The following GRIN3A variants were observed in gnomAD, a reference collection of about 807,000 sequenced individuals.
GRIN3A encodes glutamate ionotropic receptor NMDA type subunit 3A.
A neutral mutation model predicts 92.4 loss-of-function variants in GRIN3A; 47 were observed. The ratio of observed to expected loss-of-function variants is 0.51; its 90% confidence interval spans 0.40 to 0.65. The LOEUF is 0.65. Ranked by LOEUF, GRIN3A falls within the 30% of genes least tolerant of loss-of-function variation. The pLI is 0.00. For synonymous variants in GRIN3A, 527 were observed against 540.6 expected (o/e 0.97, Z 0.35); for missense variants, 1,324 against 1,393.1 (o/e 0.95, Z 0.79).
In GRIN3A at chr9:101,594,886, G is replaced by A. The variant is rs747818307; in HGVS notation, c.2767-15526C>T. On this transcript the variant is annotated intron_variant, in intron 6 of 8. Transcript: ENST00000361820. ...TAATTTCATCATTGTCAAAGTGGGA[G>A]CACATCTCCGCCGGGTAACTGGCCT... is the stretch of plus-strand genomic sequence containing the variant. 14 of 1,600,876 alleles carry A rather than the reference G, an allele frequency of 8.7e-6. No individual in the cohort carries two copies. In the South Asian group the frequency reaches 1.5e-4, roughly 18 times the overall value.
chr9:101,665,681 T>C (rs1217856480), intron 3 of GRIN3A, among the ~76,000 whole-genome samples: 1 of 151,784 alleles, frequency 6.6e-6, no homozygotes, highest in Non-Finnish European at 1.5e-5. Flanking sequence ...GAAAAACAAA[T>C]GTCCCAAAAG....
chr9:101,730,080 T>G (rs1830120536), intron 1 of GRIN3A, among the ~76,000 whole-genome samples: 1 of 152,112 alleles, frequency 6.6e-6, no homozygotes, highest in Non-Finnish European at 1.5e-5. Context: ...TTAACCTTGA[T>G]GTAACTGCTG....
At chr9:101,692,443 C>T (rs570774768) in intron 1 of GRIN3A, among the ~76,000 whole-genome samples, 1 of 152,106 alleles carries the variant, frequency 6.6e-6, no homozygotes, top group Non-Finnish European at 1.5e-5. Flanking sequence ...ACAGGATTGC[C>T]TGCAGGAAAG....
At chr9:101,632,741 A>C (rs1279829366) in intron 3 of GRIN3A, among the ~76,000 whole-genome samples, 2 of 152,170 alleles carry the variant, frequency 1.3e-5, no homozygotes, top group Admixed American at 6.5e-5. Flanking sequence ...GAAGCTATTG[A>C]TGCAACCCAG....
intron 6 of GRIN3A, among the ~76,000 whole-genome samples, chr9:101,604,894 G>A (rs1828258427): frequency 6.6e-6 from 1 of 152,178 alleles, no homozygotes; most frequent in African/African-American, 2.4e-5. Context: ...TTTCCAAGAA[G>A]TTAACAGAGG....
rs146692753 is a variant in GRIN3A, at chr9:101,662,450, G to A, written c.2352+7610C>T. On this transcript the variant is annotated intron_variant, in intron 3 of 8. Coordinates refer to ENST00000361820, the MANE Select transcript of GRIN3A (RefSeq NM_133445.3). ...CTCTGTAACTAGTTAATGGAGGTGG[G>A]AGTGCTATTTAACTTCATTTAAAAT... 9.1e-3 allele frequency among the ~76,000 whole-genome samples: 1,387 copies of A among 151,848 alleles called. 23 individuals carry two copies. The highest frequency in any genetic ancestry group is 0.032 in the African/African-American group (1,314 of 41,468).
At chr9:101,641,130 G>A (rs1008661733) in intron 3 of GRIN3A, among the ~76,000 whole-genome samples, 6 of 152,130 alleles carry the variant, frequency 3.9e-5, no homozygotes, top group African/African-American at 1.2e-4. Flanking sequence ...ATAAAAAGTT[G>A]AAACAACAGG....
chr9:101,677,184 A>G (rs546815765), intron 2 of GRIN3A, among the ~76,000 whole-genome samples: 42 of 151,958 alleles, frequency 2.8e-4, no homozygotes, highest in African/African-American at 9.2e-4. Context: ...GTATTTTTCC[A>G]TGTGTATATT....
chr9:101,698,104 C>T (rs1829705548), intron 1 of GRIN3A, among the ~76,000 whole-genome samples: 1 of 152,062 alleles, frequency 6.6e-6, no homozygotes, highest in African/African-American at 2.4e-5. Context: ...CTTATGAGGA[C>T]AGAAACATTA....
chr9:101,609,953 C>T (rs903939302), intron 6 of GRIN3A, among the ~76,000 whole-genome samples: 1 of 152,196 alleles, frequency 6.6e-6, no homozygotes, highest in Non-Finnish European at 1.5e-5. Context: ...CCTGCCTTGG[C>T]CTCCCAAAGC....
chr9:101,655,855 A>G (rs1017729342), intron 3 of GRIN3A, among the ~76,000 whole-genome samples: 1 of 152,000 alleles, frequency 6.6e-6, no homozygotes, highest in Non-Finnish European at 1.5e-5. Context: ...AAATGAAAAG[A>G]AAATAATGGG....
Position 101,686,723 on chromosome 9 carries a change from T to C in GRIN3A, c.1177A>G (p.Met393Val), listed in dbSNP as rs760932590. The change falls in exon 2 of 9, where the codon ATG (methionine) becomes GTG (valine). Residue 393 changes from methionine (M) to valine (V), a missense_variant. Physicochemically the swap from Met to Val is conservative, Grantham distance 21. Coordinates refer to ENST00000361820, the MANE Select transcript of GRIN3A (RefSeq NM_133445.3). The part of the protein sequence containing the change: ...SVFEHYVQDA[M>V]ELVARAVATA... ...GCTACAGCTCTTGCGACCAGCTCCA[T>C]AGCATCTTGTACGTAGTGCTCAAAG... 2 of 1,614,198 alleles carry C rather than the reference T, an allele frequency of 1.2e-6. No individual in the cohort carries two copies. Among genetic ancestry groups the C allele is most frequent in the East Asian group, 2.2e-5 (1 of 44,874 alleles).
intron 2 of GRIN3A, among the ~76,000 whole-genome samples, chr9:101,671,664 T>G (rs1245061341): frequency 6.6e-6 from 1 of 152,182 alleles, no homozygotes; most frequent in Non-Finnish European, 1.5e-5. Context: ...CAATGTTTCT[T>G]CTTGTGGAAT....
At chr9:101,577,044 G>T (rs1204068820) in intron 8 of GRIN3A, among the ~76,000 whole-genome samples, 1 of 152,164 alleles carries the variant, frequency 6.6e-6, no homozygotes, top group Non-Finnish European at 1.5e-5. Flanking sequence ...TAGTCACCAT[G>T]AAATAGGGAA....
intron 6 of GRIN3A, among the ~76,000 whole-genome samples, chr9:101,602,640 C>T (rs1370747608): frequency 1.3e-5 from 2 of 152,204 alleles, no homozygotes; most frequent in East Asian, 3.8e-4. Context: ...GAACTCTTAA[C>T]AGTATGTGGT....
At chr9:101,640,395 A>C (rs1828840451) in intron 3 of GRIN3A, among the ~76,000 whole-genome samples, 1 of 152,166 alleles carries the variant, frequency 6.6e-6, no homozygotes, top group African/African-American at 2.4e-5. Flanking sequence ...ATTTGAGAAA[A>C]TTTTCATGCA....
intron 1 of GRIN3A, among the ~76,000 whole-genome samples, chr9:101,688,023 G>A (rs1829560929): frequency 6.6e-6 from 1 of 152,210 alleles, no homozygotes; most frequent in Admixed American, 6.5e-5. Context: ...TCAAGAGCAA[G>A]CATCTGACAT....
At position 101,670,777 on chromosome 9, in the gene GRIN3A, G is replaced by T. The variant is rs1035999508; in HGVS notation, c.1635C>A (p.Asp545Glu). The T allele has an allele frequency of 6.2e-7, 1 of 1,613,902 alleles. No individual in the cohort carries two copies. The highest frequency in any genetic ancestry group is 8.5e-7 in the Non-Finnish European group (1 of 1,179,934). Residue 545 changes from aspartate to glutamate, a missense_variant, in exon 3 of 9, where the codon GAC (aspartate) becomes GAA (glutamate). Asp to Glu is a conservative substitution (Grantham distance 45, BLOSUM62 2). Coordinates refer to ENST00000361820, the MANE Select transcript of GRIN3A (RefSeq NM_133445.3). ...ATGTGGAAGAGTCATTAGTCATGGG[G>T]TCTAGACAGAGTTGGCCAGCAGGGC... Reference protein sequence around the residue: ...GLCPAGQLCLDPMTNDSSTLD... With the variant: ...GLCPAGQLCLEPMTNDSSTLD...
At chr9:101,704,604 C>T (rs1829791066) in intron 1 of GRIN3A, among the ~76,000 whole-genome samples, 1 of 152,184 alleles carries the variant, frequency 6.6e-6, no homozygotes, top group African/African-American at 2.4e-5. Context: ...TTTTGCCATG[C>T]TGGGCAACAG....
Sources: gnomAD v4.1 joint callset for allele counts (sites outside exome capture counted in the v4.1 genomes callset) on GRCh38, gnomAD v4.1.1 for gene constraint, MANE v1.5 for transcripts, NCBI Gene and HGNC (gene_info 2026-07-23, HGNC 2026-07-21) for gene names.